RAB3C: variants seen among roughly 807,000 people sequenced by gnomAD.
The protein encoded by RAB3C is ras-related protein Rab-3C.
A neutral mutation model predicts 26.4 loss-of-function variants in RAB3C; 17 were observed. The ratio of observed to expected loss-of-function variants is 0.64; its 90% CI spans 0.44 to 0.97. The LOEUF (loss-of-function observed/expected upper bound fraction) is 0.97. Among genes scored for constraint, RAB3C ranks in the 50% least tolerant of loss-of-function variants. RAB3C has a pLI of 0.00. For synonymous variants in RAB3C, 91 were observed against 95.9 expected (o/e 0.95, Z 0.30); for missense variants, 242 against 281.9 (o/e 0.86, Z 1.01).
At chr5:58,681,699 G>A (rs967587159) in intron 2 of RAB3C, among the ~76,000 whole-genome samples, 1 of 152,144 alleles carries the variant, frequency 6.6e-6, no homozygotes, top group African/African-American at 2.4e-5. Context: ...AAAAGCTAGA[G>A]ATGGAACCTG....
At chr5:58,774,463 C>A (rs961591210) in intron 3 of RAB3C, among the ~76,000 whole-genome samples, 3 of 152,104 alleles carry the variant, frequency 2.0e-5, no homozygotes, top group African/African-American at 7.2e-5. Flanking sequence ...ATGTCCTGAG[C>A]AACTTTTATG....
chr5:58,617,130 C>T (rs1173028272), intron 1 of RAB3C, among the ~76,000 whole-genome samples: 2 of 152,120 alleles, frequency 1.3e-5, no homozygotes, highest in African/African-American at 2.4e-5. Flanking sequence ...ATTTAAAAGA[C>T]ACTGCCCTTT....
chr5:58,618,156 T>C (rs939052886), intron 2 of RAB3C, among the ~76,000 whole-genome samples: 4 of 152,150 alleles, frequency 2.6e-5, no homozygotes, highest in African/African-American at 9.7e-5. Context: ...AAGGAACACT[T>C]TAAGTCTGGC....
At chr5:58,798,871 T>C (rs1742736540) in intron 3 of RAB3C, among the ~76,000 whole-genome samples, 1 of 152,134 alleles carries the variant, frequency 6.6e-6, no homozygotes, top group South Asian at 2.1e-4. Context: ...AAATTCAGAT[T>C]TGGGGACATT....
intron 2 of RAB3C, among the ~76,000 whole-genome samples, chr5:58,643,421 C>T (rs1016772001): frequency 6.6e-6 from 1 of 152,114 alleles, no homozygotes; most frequent in African/African-American, 2.4e-5. Context: ...TCTGGTGACA[C>T]CTGTGGCATT....
chr5:58,619,125 C>A (rs979299877), intron 2 of RAB3C, among the ~76,000 whole-genome samples: 3 of 151,910 alleles, frequency 2.0e-5, no homozygotes, highest in African/African-American at 7.2e-5. Flanking sequence ...CAGACAGGTA[C>A]CTTCTTATGT....
chr5:58,633,974 AT>A (rs1334181008), intron 2 of RAB3C, among the ~76,000 whole-genome samples: 1 of 133,770 alleles, frequency 7.5e-6, no homozygotes, highest in African/African-American at 3.3e-5. Flanking sequence ...CTACTAAAAA[AT>A]ACAAAAAAAA....
intron 2 of RAB3C, among the ~76,000 whole-genome samples, chr5:58,674,048 A>T (rs1380245728): frequency 6.6e-6 from 1 of 152,246 alleles, no homozygotes; most frequent in East Asian, 1.9e-4. Context: ...TGCAGAATAG[A>T]TAAGAGTAAG....
intron 3 of RAB3C, chr5:58,794,397 T>C (rs772866877): frequency 2.6e-5 from 4 of 152,086 alleles, no homozygotes; most frequent in African/African-American, 4.8e-5. Flanking sequence ...ACTTACTGAT[T>C]TTTCTGGCTG....
intron 3 of RAB3C, among the ~76,000 whole-genome samples, chr5:58,749,532 A>G (rs1741477210): frequency 6.6e-6 from 1 of 152,208 alleles, no homozygotes; most frequent in Admixed American, 6.5e-5. Context: ...CTTTACTTGA[A>G]GCAGAAGATA....
chr5:58,791,106 G>A (rs1742514122), intron 3 of RAB3C, among the ~76,000 whole-genome samples: 1 of 150,972 alleles, frequency 6.6e-6, no homozygotes, highest in Non-Finnish European at 1.5e-5. Context: ...CTTACTCTCA[G>A]TCAAGCCCTT....
intron 1 of RAB3C, among the ~76,000 whole-genome samples, chr5:58,608,695 C>A (rs1219631609): frequency 1.3e-5 from 2 of 152,116 alleles, no homozygotes; most frequent in Admixed American, 1.3e-4. Context: ...TGGGTATATA[C>A]CCAAATGATT....
chr5:58,763,637 T>G (rs1741840351), intron 3 of RAB3C, among the ~76,000 whole-genome samples: 1 of 152,160 alleles, frequency 6.6e-6, no homozygotes, highest in South Asian at 2.1e-4. Flanking sequence ...CACATCCTAG[T>G]GCTTACCACT....
At chr5:58,735,793 G>A (rs924825243) in intron 3 of RAB3C, among the ~76,000 whole-genome samples, 3 of 152,144 alleles carry the variant, frequency 2.0e-5, no homozygotes, top group Non-Finnish European at 4.4e-5. Flanking sequence ...TTGCACCCTT[G>A]TGTGTCAGCA....
intron 2 of RAB3C, among the ~76,000 whole-genome samples, chr5:58,690,761 A>G (rs1347876356): frequency 1.3e-5 from 2 of 151,422 alleles, no homozygotes; most frequent in Non-Finnish European, 3.0e-5. Context: ...GTAGTTAAAG[A>G]AAAAAAAAGC....
intron 3 of RAB3C, chr5:58,814,767 G>T (rs1239292043): frequency 6.6e-6 from 1 of 152,054 alleles, no homozygotes; most frequent in African/African-American, 2.4e-5. Context: ...GAAAAGAAAT[G>T]TCCAGTTGTT....
chr5:58,807,964 A>G (rs1742980620), intron 3 of RAB3C, among the ~76,000 whole-genome samples: 1 of 152,116 alleles, frequency 6.6e-6, no homozygotes, highest in African/African-American at 2.4e-5. Flanking sequence ...GGTGGCTCAC[A>G]CCTGTAATCC....
chr5:58,767,205 A>T (rs981171562), intron 3 of RAB3C, among the ~76,000 whole-genome samples: 4 of 152,192 alleles, frequency 2.6e-5, no homozygotes, highest in African/African-American at 9.7e-5. Flanking sequence ...ACACTTTGTA[A>T]AGAGGGTAAG....
intron 4 of RAB3C, among the ~76,000 whole-genome samples, chr5:58,839,200 A>G (rs895209466): frequency 5.9e-5 from 9 of 151,930 alleles, no homozygotes; most frequent in Non-Finnish European, 1.3e-4. Context: ...TAAGCCATTT[A>G]CATTCAAGGT....
Sources: allele counts gnomAD v4.1 joint callset (sites outside exome capture counted in the v4.1 genomes callset), GRCh38; gene constraint gnomAD v4.1.1; transcripts MANE v1.5; gene names NCBI Gene and HGNC (gene_info 2026-07-23, HGNC 2026-07-21).